The following ZNF181 variants were observed in gnomAD, a reference collection of about 807,000 sequenced individuals.
The protein encoded by ZNF181 is zinc finger protein 181 (HHZ181).
In ZNF181, 8 loss-of-function variants were observed where a neutral mutation model predicts 11.9. That is an observed-to-expected ratio of 0.67 (90% CI 0.39 to 1.21). The LOEUF (loss-of-function observed/expected upper bound fraction) is 1.21. Among genes scored for constraint, ZNF181 ranks in the 50% most tolerant of loss-of-function variants. The pLI, the probability that ZNF181 is intolerant of heterozygous loss-of-function variation, is 0.01. For missense variants in ZNF181, 542 were observed against 670.9 expected (o/e 0.81, Z 2.12); for synonymous variants, 202 against 221.1 (o/e 0.91, Z 0.77).
At chr19:34,738,001 G>A (rs2068911798) in intron 1 of ZNF181, among the ~76,000 whole-genome samples, 2 of 152,118 alleles carry the variant, frequency 1.3e-5, no homozygotes, top group South Asian at 2.1e-4. Flanking sequence ...TAACCATCAG[G>A]GGATTAGGGA....
At position 34,741,760 on chromosome 19, in the gene ZNF181, C is replaced by T. The variant is rs1376224271; in HGVS notation, c.1379C>T (p.Pro460Leu). ...MHLRNHIRLK[P>L]YECSICGKAF... ...TTGAGAAATCACATTAGATTGAAACCCTACGAATGCAGTATATGTGGGAAA... is the reference window on the plus strand; with the variant it reads ...TTGAGAAATCACATTAGATTGAAACTCTACGAATGCAGTATATGTGGGAAA... The change falls in exon 4 of 4, where the codon CCC becomes CTC. Residue 460 changes from proline to leucine, a missense_variant. By Grantham distance (98) the Pro-to-Leu change is moderately conservative. Coordinates refer to ENST00000492450, the MANE Select transcript of ZNF181 (RefSeq NM_001029997.4). 6.2e-7 allele frequency: 1 copy of T among 1,613,764 alleles called. No individual in the cohort carries two copies. The highest frequency in any genetic ancestry group is 8.5e-7 in the Non-Finnish European group (1 of 1,179,886).
At chr19:34,739,465 T>C (rs1345923229) in intron 2 of ZNF181, 58 bp from the exon 3 acceptor site, 11 of 1,605,314 alleles carry the variant, frequency 6.9e-6, no homozygotes, top group Middle Eastern at 1.7e-4. Context: ...GTCCCTCTTG[T>C]GATGGCCTCT....
Position 34,743,706 on chromosome 19 carries a change from C to G in ZNF181, c.*1609C>G, listed in dbSNP as rs115338555. The stretch of plus-strand genomic sequence containing the variant: ...TTTCTCTATCCCTGAGTCATAGTTA[C>G]GGGAGTTTACCTTGAAATCACTAGC... On this transcript the variant is annotated 3_prime_UTR_variant, in exon 4 of 4. Coordinates refer to ENST00000492450, the MANE Select transcript of ZNF181 (RefSeq NM_001029997.4). 6.6e-6 allele frequency: 1 copy of G among 152,172 alleles called. No homozygotes were observed. The highest frequency in any genetic ancestry group is 1.5e-5 in the Non-Finnish European group (1 of 68,034). The allele number at this position is 152,172 out of a possible 1,614,324, so 9.4% of individuals were successfully genotyped here. A position where few individuals can be genotyped will look rare whatever the true frequency, so the allele number is the denominator to read the frequency against.
intron 3 of ZNF181, among the ~76,000 whole-genome samples, chr19:34,740,277 T>G (rs1262642069): frequency 6.6e-6 from 1 of 152,232 alleles, no homozygotes; most frequent in Non-Finnish European, 1.5e-5. Context: ...ATGCAATCTT[T>G]CATACATGCA....
chr19:34,737,008 G>A (rs2068898755), intron 1 of ZNF181, among the ~76,000 whole-genome samples: 2 of 152,218 alleles, frequency 1.3e-5, no homozygotes, highest in South Asian at 4.1e-4. Context: ...CAATTAACAG[G>A]TGAATTTAGG....
At chr19:34,739,651 A>G in intron 3 of ZNF181, 30 bp downstream of exon 3, 5 of 1,612,940 alleles carry the variant, frequency 3.1e-6, no homozygotes, top group Non-Finnish European at 4.2e-6. Context: ...ACAAAGGAAG[A>G]TTTTGTTAAA....
chr19:34,735,161 G>A, intron 1 of ZNF181, 115 bp downstream of exon 1: 1 of 1,191,574 alleles, frequency 8.4e-7, no homozygotes, highest in Non-Finnish European at 1.2e-6. Flanking sequence ...TGGATCCATG[G>A]TTCCTTTCAG....
intron 3 of ZNF181, 63 bp downstream of exon 3, chr19:34,739,684 T>A: frequency 6.4e-7 from 1 of 1,563,266 alleles, no homozygotes. Context: ...CTCTTTATAG[T>A]GAGTTTATAG....
rs886589649 is a variant in ZNF181, at chr19:34,743,673, A to C, written c.*1576A>C. Reference sequence around the variant, plus strand: ...GTGCTGCTGGCAGCATCATTGCAGCAACCGTCATTTCTCTATCCCTGAGTC... The same window carrying C: ...GTGCTGCTGGCAGCATCATTGCAGCCACCGTCATTTCTCTATCCCTGAGTC... On this transcript the variant is annotated 3_prime_UTR_variant, in exon 4 of 4. Coordinates refer to ENST00000492450, the MANE Select transcript of ZNF181 (RefSeq NM_001029997.4). 6.6e-6 allele frequency: 1 copy of C among 152,230 alleles called. No individual in the cohort carries two copies. The highest frequency in any genetic ancestry group is 1.5e-5 in the Non-Finnish European group (1 of 68,042). 9.4% of individuals were successfully genotyped at this position (152,230 alleles called of 1,614,324 possible).
intron 2 of ZNF181, 119 bp from the exon 3 acceptor site, chr19:34,739,404 G>C: frequency 6.4e-7 from 1 of 1,564,780 alleles, no homozygotes; most frequent in Non-Finnish European, 8.7e-7. Flanking sequence ...GTTGTGCCCT[G>C]CCTGAAGCTT....
intron 1 of ZNF181, 81 bp downstream of exon 1, chr19:34,735,127 C>A: frequency 6.7e-7 from 1 of 1,490,716 alleles, no homozygotes; most frequent in Non-Finnish European, 9.1e-7. Flanking sequence ...CCTGTTCCCA[C>A]CTAACCAAGT....
chr19:34,736,631 A>T (rs2068893865), intron 1 of ZNF181, among the ~76,000 whole-genome samples: 1 of 152,224 alleles, frequency 6.6e-6, no homozygotes, highest in African/African-American at 2.4e-5. Flanking sequence ...CCAGCCCTGT[A>T]TGACTATTGA....
chr19:34,736,776 T>C (rs544692375), intron 1 of ZNF181, among the ~76,000 whole-genome samples: 4 of 152,162 alleles, frequency 2.6e-5, no homozygotes, highest in African/African-American at 4.8e-5. Flanking sequence ...GCAGCACTGG[T>C]AGAAAAGTAA....
Position 34,741,207 on chromosome 19 carries a change from C to A in ZNF181, c.826C>A (p.His276Asn). Residue 276 changes from histidine to asparagine, a missense_variant, in exon 4 of 4, where the codon CAT becomes AAT. By Grantham distance (68) the His-to-Asn change is moderately conservative. Coordinates refer to ENST00000492450, the MANE Select transcript of ZNF181 (RefSeq NM_001029997.4). ...ECRECGKTFS[H>N]GSSLTRHLIS... ...TCGTGAATGTGGGAAGACTTTTAGC[C>A]ATGGCTCATCCCTTACACGACATCT... The A allele has an allele frequency of 6.2e-7, 1 of 1,613,940 alleles. No individual in the cohort carries two copies. Among genetic ancestry groups the A allele is most frequent in the Non-Finnish European group, 8.5e-7 (1 of 1,179,928 alleles).
Position 34,743,526 on chromosome 19 carries a change from G to T in ZNF181, c.*1429G>T, listed in dbSNP as rs189922778. 6.6e-6 allele frequency: 1 copy of T among 152,198 alleles called. No individual in the cohort carries two copies. Among genetic ancestry groups the T allele is most frequent in the African/African-American group, 2.4e-5 (1 of 41,420 alleles). 9.4% of individuals were successfully genotyped at this position (152,198 alleles called of 1,614,324 possible). On this transcript the variant is annotated 3_prime_UTR_variant, in exon 4 of 4. Coordinates refer to ENST00000492450, the MANE Select transcript of ZNF181 (RefSeq NM_001029997.4). The stretch of plus-strand genomic sequence containing the variant: ...TGTGCATCCCTGCATGTGCCTGTGC[G>T]TGTGTGTATGCGGTGTGCTGGGTGT...
rs761411963 is a variant in ZNF181 at position 34,741,896 on chromosome 19, C to T, written c.1515C>T (p.Thr505=). 47 of 1,613,490 alleles carry T rather than the reference C, an allele frequency of 2.9e-5. No individual in the cohort carries two copies. Among genetic ancestry groups the T allele is most frequent in the Middle Eastern group, 1.6e-4 (1 of 6,064 alleles). Residue 505 remains threonine, a synonymous_variant, in exon 4 of 4, where the codon ACC becomes ACT. Transcript: ENST00000492450. ...GKTFSCSSNL[T]VHQRIHTGEK... Reference sequence around the variant, plus strand: ...CCTTCAGCTGTAGTTCAAACCTTACCGTACATCAGAGAATTCACACTGGAG... The same window carrying T: ...CCTTCAGCTGTAGTTCAAACCTTACTGTACATCAGAGAATTCACACTGGAG...
In ZNF181 at chr19:34,744,009, TGAA is replaced by T. The variant is rs1354840824; in HGVS notation, c.*1914_*1916del. ...TGGAGTGTATGGACACTGATGCAAG[TGAA>T]GGGGTGTGATATGGATTATGCTTCA... On this transcript the variant is annotated 3_prime_UTR_variant, in exon 4 of 4. Coordinates refer to ENST00000492450, the MANE Select transcript of ZNF181 (RefSeq NM_001029997.4). The T allele has an allele frequency of 6.6e-6, 1 of 152,226 alleles. No homozygotes were observed. The highest frequency in any genetic ancestry group is 1.9e-4 in the East Asian group (1 of 5,200). 9.4% of individuals were successfully genotyped at this position (152,226 alleles called of 1,614,324 possible).
chr19:34,735,405 T>A (rs1197428838), intron 1 of ZNF181, among the ~76,000 whole-genome samples: 1 of 152,244 alleles, frequency 6.6e-6, no homozygotes, highest in Non-Finnish European at 1.5e-5. Flanking sequence ...TCCCTTTGAC[T>A]TATACCTATA....
rs754423306 is a variant in ZNF181, at chr19:34,741,218, C to T, written c.837C>T (p.Ser279=). 40 of 1,613,868 alleles carry T rather than the reference C, an allele frequency of 2.5e-5. No homozygotes were observed. The highest frequency in any genetic ancestry group is 3.3e-5 in the Non-Finnish European group (39 of 1,179,932). Residue 279 remains serine (S), a synonymous_variant, in exon 4 of 4, where the codon TCC becomes TCT. Coordinates refer to ENST00000492450, the MANE Select transcript of ZNF181 (RefSeq NM_001029997.4). ...GGAAGACTTTTAGCCATGGCTCATC[C>T]CTTACACGACATCTGATAAGCCATA... ...ECGKTFSHGS[S]LTRHLISHSG...
Sources: gnomAD v4.1 joint callset for allele counts (sites outside exome capture counted in the v4.1 genomes callset) on GRCh38, gnomAD v4.1.1 for gene constraint, MANE v1.5 for transcripts, NCBI Gene and HGNC (gene_info 2026-07-23, HGNC 2026-07-21) for gene names.